BIVM: variants seen among roughly 807,000 people sequenced by gnomAD.
BIVM encodes the protein basic immunoglobulin-like variable motif-containing protein.
In BIVM, 31 loss-of-function variants were observed where a neutral mutation model predicts 61.4. That is an observed-to-expected ratio of 0.51 (90% CI 0.38 to 0.68). The LOEUF is 0.68. BIVM is among the 30% of genes least tolerant of loss of function. The pLI is 0.00. For missense variants in BIVM, 526 were observed against 596.0 expected (o/e 0.88, Z 1.22); for synonymous variants, 189 against 210.7 (o/e 0.90, Z 0.89).
chr13:102,810,735 T>A (rs1210749042), intron 3 of BIVM, among the ~76,000 whole-genome samples: 1 of 152,234 alleles, frequency 6.6e-6, no homozygotes, highest in African/African-American at 2.4e-5. Flanking sequence ...TTTTTTATTT[T>A]TATTTTTTAT....
rs147754516 is a variant in BIVM, at chr13:102,822,935, C to T, written c.901+776C>T. Among the ~76,000 whole-genome samples the T allele has an allele frequency of 4.6e-5, 7 of 152,228 alleles. No homozygotes were observed. In the East Asian group the frequency reaches 1.4e-3, roughly 29 times the overall value. On this transcript the variant is annotated intron_variant, in intron 7 of 10. Transcript: ENST00000257336. ...AACAAAGACAACTGGGACTTTATAG[C>T]CAAGGGACACAGCGAGGGGTTTGGG...
At chr13:102,814,505 A>G (rs1879732750) in intron 3 of BIVM, among the ~76,000 whole-genome samples, 1 of 152,240 alleles carries the variant, frequency 6.6e-6, no homozygotes, top group Admixed American at 6.5e-5. Flanking sequence ...AAGGTCACAC[A>G]TTTCTATGTT....
chr13:102,834,387 C>T, intron 8 of BIVM, 79 bp from the exon 9 acceptor site: 4 of 1,372,684 alleles, frequency 2.9e-6, no homozygotes, highest in Non-Finnish European at 4.0e-6. Flanking sequence ...CTCTAGTATG[C>T]CTTTTATTAA....
chr13:102,822,985 A>G, intron 7 of BIVM, among the ~76,000 whole-genome samples: 1 of 152,166 alleles, frequency 6.6e-6, no homozygotes, highest in Non-Finnish European at 1.5e-5. Flanking sequence ...AAGAGGGTCA[A>G]GGGTATGGGG....
intron 3 of BIVM, among the ~76,000 whole-genome samples, chr13:102,814,247 C>A (rs1334349002): frequency 1.3e-5 from 2 of 152,104 alleles, no homozygotes; most frequent in African/African-American, 4.8e-5. Flanking sequence ...AGGTGTTGCT[C>A]TTCTATGTTC....
chr13:102,831,395 C>T (rs1042434738), intron 7 of BIVM, among the ~76,000 whole-genome samples, 170 bp from the exon 8 acceptor site: 1 of 152,182 alleles, frequency 6.6e-6, no homozygotes. Context: ...AAACAGAATA[C>T]ATTTATTAAC....
intron 7 of BIVM, among the ~76,000 whole-genome samples, chr13:102,826,996 C>T (rs2140486344): frequency 6.6e-6 from 1 of 152,238 alleles, no homozygotes. Flanking sequence ...TGGAATAAAA[C>T]ACTAAAAGGG....
intron 3 of BIVM, among the ~76,000 whole-genome samples, chr13:102,812,271 A>G (rs1879550639): frequency 6.6e-6 from 1 of 152,200 alleles, no homozygotes; most frequent in Non-Finnish European, 1.5e-5. Context: ...TTCTTCATAC[A>G]TACATCTTTC....
At chr13:102,813,952 G>A (rs368004519) in intron 3 of BIVM, among the ~76,000 whole-genome samples, 66 of 152,236 alleles carry the variant, frequency 4.3e-4, no homozygotes, top group African/African-American at 1.5e-3. Context: ...TTCAGTGATG[G>A]TGATTGCACA....
intron 7 of BIVM, among the ~76,000 whole-genome samples, chr13:102,829,500 A>G (rs1053744204): frequency 6.6e-6 from 1 of 152,158 alleles, no homozygotes; most frequent in Non-Finnish European, 1.5e-5. Context: ...GTGTCTTCTC[A>G]TACACAGAAT....
chr13:102,821,645 T>G, intron 5 of BIVM, 98 bp from the exon 6 acceptor site: 1 of 973,170 alleles, frequency 1.0e-6, no homozygotes, highest in Non-Finnish European at 1.5e-6. Context: ...ATTACTAATA[T>G]TATTTGCAAA....
In BIVM at chr13:102,841,133, C is replaced by G. The variant is rs1404563163; in HGVS notation, c.*1268C>G. 6.6e-6 allele frequency: 1 copy of G among 152,510 alleles called. No individual in the cohort carries two copies. The highest frequency in any genetic ancestry group is 2.4e-5 in the African/African-American group (1 of 41,390). 9.4% of individuals were successfully genotyped at this position (152,510 alleles called of 1,614,324 possible). ...TCATGTATTTGAGCTCCTCTAGTTG[C>G]TGTTGGTTTTTCTTCTGCTGCCAAC... On this transcript the variant is annotated 3_prime_UTR_variant, in exon 11 of 11. Coordinates refer to ENST00000257336, the MANE Select transcript of BIVM (RefSeq NM_017693.4).
Position 102,807,530 on chromosome 13 carries a change from C to T in BIVM, c.263C>T (p.Pro88Leu), listed in dbSNP as rs1213763502. 6.2e-7 allele frequency: 1 copy of T among 1,614,186 alleles called. No individual in the cohort carries two copies. Among genetic ancestry groups the T allele is most frequent in the African/African-American group, 1.3e-5 (1 of 75,056 alleles). ...ACCTCAATCTATAAAACTCCAAATC[C>T]ATCCCGCTCTCCTTGCCTCCCTGAT... ...QATSIYKTPN[P>L]SRSPCLPDST... The change falls in exon 3 of 11, where the codon CCA becomes CTA. Residue 88 changes from proline to leucine, a missense_variant. Physicochemically the swap from Pro to Leu is moderately conservative, Grantham distance 98. This residue lies in a region of BIVM where 312 missense variants were observed against 343.8 expected (regional missense o/e 0.91). Coordinates refer to ENST00000257336, the MANE Select transcript of BIVM (RefSeq NM_017693.4). The surrounding 1 kb of genome is among the most constrained non-coding windows in gnomAD (Gnocchi z 4.0).
intron 9 of BIVM, among the ~76,000 whole-genome samples, chr13:102,837,507 A>C (rs1881557548): frequency 6.6e-6 from 1 of 152,216 alleles, no homozygotes; most frequent in Non-Finnish European, 1.5e-5. Flanking sequence ...GATTCCTTAA[A>C]GAACTAAAAG....
chr13:102,836,450 C>T (rs1192223874), intron 9 of BIVM, among the ~76,000 whole-genome samples: 2 of 152,136 alleles, frequency 1.3e-5, no homozygotes, highest in African/African-American at 2.4e-5. Context: ...GTAGCTGAGA[C>T]CACAGATGTG....
intron 1 of BIVM, chr13:102,801,695 T>TG (rs1270746953): frequency 6.6e-6 from 1 of 152,198 alleles, no homozygotes; most frequent in Admixed American, 6.5e-5. Context: ...TCCTAGGCCC[T>TG]GGGGATACAA....
intron 4 of BIVM, chr13:102,820,266 T>G (rs556997392): frequency 1.2e-4 from 18 of 148,836 alleles, no homozygotes; most frequent in Non-Finnish European, 2.4e-4. Context: ...GCAGGAGAAT[T>G]GCTTGAACAC....
intron 9 of BIVM, among the ~76,000 whole-genome samples, chr13:102,835,318 G>A (rs986958872): frequency 6.6e-6 from 1 of 152,194 alleles, no homozygotes; most frequent in East Asian, 1.9e-4. Context: ...GTGACAGAAC[G>A]AGATCCTGCC....
chr13:102,817,045 G>T (rs1159199190), intron 4 of BIVM, among the ~76,000 whole-genome samples: 1 of 152,110 alleles, frequency 6.6e-6, no homozygotes, highest in East Asian at 1.9e-4. Context: ...GTTCTGAAAA[G>T]GTCTTCACAT....
Sources: gnomAD v4.1 joint callset for allele counts (sites outside exome capture counted in the v4.1 genomes callset) on GRCh38, gnomAD v4.1.1 for gene constraint, gnomAD v4.1.1 regional missense constraint, Gnocchi (gnomAD v3.1) non-coding constraint, MANE v1.5 for transcripts, NCBI Gene and HGNC (gene_info 2026-07-23, HGNC 2026-07-21) for gene names.